CDC42EP3: variants seen among roughly 807,000 people sequenced by gnomAD.
CDC42EP3 encodes the protein CDC42 effector protein 3.
A neutral mutation model predicts 15.5 loss-of-function variants in CDC42EP3; 4 were observed. That is an observed-to-expected ratio of 0.26 (90% CI 0.13 to 0.59). The LOEUF is 0.59. Among genes scored for constraint, CDC42EP3 ranks in the 20% least tolerant of loss-of-function variants. The pLI, the probability that CDC42EP3 is intolerant of heterozygous loss-of-function variation, is 0.89. For missense variants in CDC42EP3, 309 were observed against 311.2 expected, an observed-to-expected ratio of 0.99 and a Z score of 0.05; for synonymous variants, 145 against 130.3, an observed-to-expected ratio of 1.11 and a Z score of -0.77.
At chr2:37,656,713 C>G (rs1439852503) in intron 1 of CDC42EP3, among the ~76,000 whole-genome samples, 1 of 152,172 alleles carries the variant, frequency 6.6e-6, no homozygotes, top group Non-Finnish European at 1.5e-5. Flanking sequence ...TTTGATAACT[C>G]AAGGACTGCC....
chr2:37,672,407 C>G (rs1044302816), upstream of CDC42EP3: 56 of 152,348 alleles, frequency 3.7e-4, no homozygotes, highest in African/African-American at 1.3e-3. Context: ...TTGCCTAAAG[C>G]TGGGGCAAGC....
chr2:37,665,911 C>T (rs768958547), intron 1 of CDC42EP3, among the ~76,000 whole-genome samples: 4 of 152,114 alleles, frequency 2.6e-5, no homozygotes, highest in Non-Finnish European at 4.4e-5. Context: ...CCAAATGCTA[C>T]GTTTTAGGGA....
At position 37,644,169 on chromosome 2, in the gene CDC42EP3, C is replaced by G. The variant is rs1368112423; in HGVS notation, c.*1654G>C. On this transcript the variant is annotated 3_prime_UTR_variant, in exon 2 of 2. Transcript: ENST00000295324. ...GTTAGTTGTCCTAATTGCATTTTAC[C>G]TGCAGTCCAAAGGTTATTTTAGATG... 1 of 152,046 alleles carries G rather than the reference C, an allele frequency of 6.6e-6. No homozygotes were observed. The highest frequency in any genetic ancestry group is 2.4e-5 in the African/African-American group (1 of 41,390). 9.4% of individuals were successfully genotyped at this position (152,046 alleles called of 1,614,324 possible). A position where few individuals can be genotyped will look rare whatever the true frequency, so the allele number is the denominator to read the frequency against.
At chr2:37,650,951 G>C (rs1394269136) in intron 1 of CDC42EP3, among the ~76,000 whole-genome samples, 1 of 152,090 alleles carries the variant, frequency 6.6e-6, no homozygotes, top group East Asian at 1.9e-4. Flanking sequence ...GAAATAACAA[G>C]GCTGTTCAAA....
At chr2:37,649,329 C>A (rs1275109970) in intron 1 of CDC42EP3, among the ~76,000 whole-genome samples, 1 of 151,588 alleles carries the variant, frequency 6.6e-6, no homozygotes, top group African/African-American at 2.4e-5. Context: ...GTAGCACACA[C>A]CTGCAGTCTT....
intron 1 of CDC42EP3, among the ~76,000 whole-genome samples, chr2:37,650,543 G>A (rs1211032092): frequency 1.3e-5 from 2 of 152,192 alleles, no homozygotes; most frequent in Non-Finnish European, 2.9e-5. Context: ...AGGAAGCCAT[G>A]AGGCTGTTAC....
rs1665537366 is a variant in CDC42EP3 at position 37,648,183 on chromosome 2, C to T, written c.-235-1361G>A. The stretch of plus-strand genomic sequence containing the variant: ...CTTATCTCTTGAAAATAATCCTCCA[C>T]CTCTGATGCTGACACAGAGAAGCTA... On this transcript the variant is annotated intron_variant, in intron 1 of 1. Transcript: ENST00000295324. Among the ~76,000 whole-genome samples the T allele has an allele frequency of 2.0e-5, 3 of 152,346 alleles. No individual in the cohort carries two copies. The South Asian group carries it at 6.2e-4, about 32-fold the overall frequency.
rs145500414 is a variant in CDC42EP3 at position 37,665,953 on chromosome 2, T to C, written c.-236+5473A>G. ...CAAGAAAACCCCAAGAGGTCAAGGT[T>C]ATACAATTTGGGTCAGAGCTAAGAC... On this transcript the variant is annotated intron_variant, in intron 1 of 1. Transcript: ENST00000295324. Among the ~76,000 whole-genome samples the C allele has an allele frequency of 4.1e-3, 624 of 152,352 alleles. 4 individuals are homozygous for C. The highest frequency in any genetic ancestry group is 0.013 in the African/African-American group (527 of 41,578).
At position 37,645,412 on chromosome 2, in the gene CDC42EP3, T is replaced by G; in HGVS notation, c.*411A>C. 6.4e-6 allele frequency: 1 copy of G among 157,038 alleles called. No homozygotes were observed. Among genetic ancestry groups the G allele is most frequent in the Non-Finnish European group, 1.4e-5 (1 of 71,046 alleles). The allele number at this position is 157,038 out of a possible 1,614,324, so 9.7% of individuals were successfully genotyped here. A position where few individuals can be genotyped will look rare whatever the true frequency, so the allele number is the denominator to read the frequency against. On this transcript the variant is annotated 3_prime_UTR_variant, in exon 2 of 2. Transcript: ENST00000295324. ...TATAGAAAAGAGTCTACAAAAAGGC[T>G]TAGGTGTTAAATAAATTTTGACTTC... is the stretch of plus-strand genomic sequence containing the variant.
At chr2:37,656,063 G>C (rs752390498) in intron 1 of CDC42EP3, among the ~76,000 whole-genome samples, 4 of 152,188 alleles carry the variant, frequency 2.6e-5, no homozygotes, top group Non-Finnish European at 4.4e-5. Flanking sequence ...TCTCTGATGG[G>C]GTAAAGGGAC....
chr2:37,661,131 G>GCA (rs1666045310), intron 1 of CDC42EP3, among the ~76,000 whole-genome samples: 3 of 150,222 alleles, frequency 2.0e-5, no homozygotes, highest in African/African-American at 7.3e-5. Context: ...GTGTGTGTGC[G>GCA]TGTGTGTATA....
chr2:37,651,771 T>A (rs1194882657), intron 1 of CDC42EP3, among the ~76,000 whole-genome samples: 1 of 152,128 alleles, frequency 6.6e-6, no homozygotes, highest in Non-Finnish European at 1.5e-5. Context: ...CCTGGGCCCG[T>A]GAGGACAGCA....
intron 1 of CDC42EP3, among the ~76,000 whole-genome samples, chr2:37,652,247 C>A (rs1327157719): frequency 5.4e-5 from 8 of 148,676 alleles, no homozygotes; most frequent in African/African-American, 1.8e-4. Flanking sequence ...GGTGAATGAC[C>A]AACACATCAG....
In CDC42EP3 at chr2:37,645,772, G is replaced by C. The variant is rs368612852; in HGVS notation, c.*51C>G. On this transcript the variant is annotated 3_prime_UTR_variant, in exon 2 of 2. Transcript: ENST00000295324. Reference sequence around the variant, plus strand: ...CCGGAAGCCCTTCTCTTCAACTGTGGTTAGTTTGTTTTTGTACCTTTTACC... The same window carrying C: ...CCGGAAGCCCTTCTCTTCAACTGTGCTTAGTTTGTTTTTGTACCTTTTACC... 7.1e-7 allele frequency: 1 copy of C among 1,409,666 alleles called. No individual in the cohort carries two copies. The highest frequency in any genetic ancestry group is 1.4e-5 in the African/African-American group (1 of 69,680). The allele number at this position is 1,409,666 out of a possible 1,614,324, so 87.3% of individuals were successfully genotyped here.
intron 1 of CDC42EP3, among the ~76,000 whole-genome samples, chr2:37,667,755 A>G (rs1666290050): frequency 6.6e-6 from 1 of 152,232 alleles, no homozygotes; most frequent in African/African-American, 2.4e-5. Flanking sequence ...GCCAGAGGCC[A>G]AAAGTCATAA....
intron 1 of CDC42EP3, among the ~76,000 whole-genome samples, chr2:37,647,151 TG>T (rs1665506366): frequency 6.6e-6 from 1 of 152,280 alleles, no homozygotes; most frequent in African/African-American, 2.4e-5. Context: ...CAACTGGATT[TG>T]TTTTAAAATA....
chr2:37,645,771 G>A lies in CDC42EP3; in HGVS notation c.*52C>T, dbSNP rs1665429999. The A allele has an allele frequency of 5.7e-6, 8 of 1,394,364 alleles. No homozygotes were observed. The highest frequency in any genetic ancestry group is 4.5e-5 in the South Asian group (3 of 66,418). The allele number at this position is 1,394,364 out of a possible 1,614,324, so 86.4% of individuals were successfully genotyped here. On this transcript the variant is annotated 3_prime_UTR_variant, in exon 2 of 2. Transcript: ENST00000295324. Reference sequence around the variant, plus strand: ...TCCGGAAGCCCTTCTCTTCAACTGTGGTTAGTTTGTTTTTGTACCTTTTAC... The same window carrying A: ...TCCGGAAGCCCTTCTCTTCAACTGTAGTTAGTTTGTTTTTGTACCTTTTAC...
At chr2:37,661,128 T>TGC (rs1553317619) in intron 1 of CDC42EP3, among the ~76,000 whole-genome samples, 41 of 147,990 alleles carry the variant, frequency 2.8e-4, no homozygotes, top group South Asian at 4.3e-4. Flanking sequence ...TGTGTGTGTG[T>TGC]GCGTGTGTGT....
intron 1 of CDC42EP3, among the ~76,000 whole-genome samples, chr2:37,656,791 C>T (rs1665862313): frequency 1.3e-5 from 2 of 152,050 alleles, no homozygotes; most frequent in Admixed American, 6.5e-5. Flanking sequence ...GAGCGCAACA[C>T]GGATGAGAGG....
Sources: allele counts gnomAD v4.1 joint callset (sites outside exome capture counted in the v4.1 genomes callset), GRCh38; gene constraint gnomAD v4.1.1; transcripts MANE v1.5; gene names NCBI Gene and HGNC (gene_info 2026-07-23, HGNC 2026-07-21).